Variants in LYPLA1 observed in about 807,000 individuals in gnomAD.
LYPLA1 encodes acyl-protein thioesterase 1.
LYPLA1 carries 17 observed loss-of-function variants against 34.0 expected under a neutral mutation model. That is an observed-to-expected ratio of 0.50 (90% CI 0.34 to 0.75). The LOEUF (loss-of-function observed/expected upper bound fraction) is 0.75. Among genes scored for constraint, LYPLA1 ranks in the 30% least tolerant of loss-of-function variants. LYPLA1 has a pLI of 0.01. For synonymous variants in LYPLA1, 98 were observed against 100.8 expected, an observed-to-expected ratio of 0.97 and a Z score of 0.17; for missense variants, 203 against 288.8, an observed-to-expected ratio of 0.70 and a Z score of 2.15.
intron 2 of LYPLA1, among the ~76,000 whole-genome samples, chr8:54,068,328 C>T (rs1388263842): frequency 6.6e-6 from 1 of 152,118 alleles, no homozygotes; most frequent in Non-Finnish European, 1.5e-5. Flanking sequence ...CAATCTTTAA[C>T]AGAATACCAC....
intron 2 of LYPLA1, among the ~76,000 whole-genome samples, chr8:54,068,639 C>T (rs568260157): frequency 6.6e-6 from 1 of 152,150 alleles, no homozygotes; most frequent in African/African-American, 2.4e-5. Flanking sequence ...TGGATATCCA[C>T]ATGTAATACA....
chr8:54,097,483 G>A (rs531145499), intron 2 of LYPLA1, among the ~76,000 whole-genome samples: 5 of 152,300 alleles, frequency 3.3e-5, no homozygotes, highest in Admixed American at 2.0e-4. Flanking sequence ...GACTAGGGAG[G>A]AGATAGCTAT....
At chr8:54,063,456 T>C in intron 3 of LYPLA1, 81 bp from the exon 4 acceptor site, 4 of 837,178 alleles carry the variant, frequency 4.8e-6, no homozygotes, top group South Asian at 3.4e-5. Context: ...AAACAGATAA[T>C]TGCTTGAGAC....
At chr8:54,100,816 T>C in intron 2 of LYPLA1, 92 bp downstream of exon 2, 1 of 1,000,290 alleles carries the variant, frequency 1.0e-6, no homozygotes, top group East Asian at 2.4e-5. Context: ...AATACCATTT[T>C]AGCGCCCTTA....
intron 8 of LYPLA1, among the ~76,000 whole-genome samples, chr8:54,050,787 T>A (rs1805788992): frequency 6.6e-6 from 1 of 152,256 alleles, no homozygotes; most frequent in Non-Finnish European, 1.5e-5. Flanking sequence ...TGAAAGGGAA[T>A]GTTTATTATT....
intron 8 of LYPLA1, among the ~76,000 whole-genome samples, chr8:54,049,455 A>C (rs936822151): frequency 1.3e-5 from 2 of 152,028 alleles, no homozygotes; most frequent in African/African-American, 4.8e-5. Flanking sequence ...GCTGGAGTGC[A>C]GGGTGCCAAC....
At chr8:54,101,643 G>C in intron 1 of LYPLA1, 112 bp downstream of exon 1, 3 of 1,153,662 alleles carry the variant, frequency 2.6e-6, no homozygotes, top group East Asian at 3.8e-5. Flanking sequence ...GGGCCGGGAG[G>C]AGCGTCCTCG....
intron 2 of LYPLA1, among the ~76,000 whole-genome samples, chr8:54,071,258 C>T (rs1009781900): frequency 5.9e-5 from 9 of 152,310 alleles, no homozygotes; most frequent in Admixed American, 5.2e-4. Context: ...AGAAAGGAAA[C>T]GGACACAGCT....
chr8:54,085,450 G>A lies in LYPLA1; in HGVS notation c.101+15458C>T, dbSNP rs140342298. ...AAGTGTCTCTGCCCCGCCGCCCATC[G>A]TCTGGGATGTGAGGAGCCCCTCTGC... On this transcript the variant is annotated intron_variant, in intron 2 of 8. Coordinates refer to ENST00000316963, the MANE Select transcript of LYPLA1 (RefSeq NM_006330.4). Among the ~76,000 whole-genome samples, 617 of 151,480 alleles carry A rather than the reference G, an allele frequency of 4.1e-3. 4 individuals carry two copies. Among genetic ancestry groups the A allele is most frequent in the African/African-American group, 0.014 (592 of 41,180 alleles).
intron 2 of LYPLA1, among the ~76,000 whole-genome samples, chr8:54,081,825 G>A (rs1271384161): frequency 2.0e-5 from 3 of 151,866 alleles, no homozygotes; most frequent in Non-Finnish European, 4.4e-5. Flanking sequence ...CGCCTCCCAG[G>A]TTCAAGTGAT....
At chr8:54,085,422 G>C (rs1195927142) in intron 2 of LYPLA1, among the ~76,000 whole-genome samples, 2 of 152,234 alleles carry the variant, frequency 1.3e-5, no homozygotes, top group Non-Finnish European at 2.9e-5. Context: ...TCTAGGAAGT[G>C]AGAAGTGTCT....
At chr8:54,053,554 G>A in intron 6 of LYPLA1, 2 of 455,568 alleles carry the variant, frequency 4.4e-6, no homozygotes, top group East Asian at 7.0e-5. Context: ...ATGCCCATGG[G>A]TTACTGCAAC....
intron 1 of LYPLA1, chr8:54,101,342 C>T (rs540184623): frequency 9.0e-5 from 96 of 1,071,574 alleles, no homozygotes; most frequent in Non-Finnish European, 1.1e-4. Flanking sequence ...AAAAACAGTA[C>T]GTCTGACCTT....
At chr8:54,074,635 C>G (rs1012854114) in intron 2 of LYPLA1, among the ~76,000 whole-genome samples, 1 of 152,224 alleles carries the variant, frequency 6.6e-6, no homozygotes, top group Non-Finnish European at 1.5e-5. Context: ...TGCCTCTGGT[C>G]TCAAACGCAG....
At chr8:54,046,023 T>C (rs1190835895), downstream of LYPLA1, among the ~76,000 whole-genome samples, 1 of 151,992 alleles carries the variant, frequency 6.6e-6, no homozygotes, top group African/African-American at 2.4e-5. Context: ...ATCGCACCAC[T>C]GCACCCCAGC....
At chr8:54,081,104 T>C (rs980204388) in intron 2 of LYPLA1, among the ~76,000 whole-genome samples, 16 of 152,318 alleles carry the variant, frequency 1.1e-4, no homozygotes, top group Admixed American at 9.1e-4. Flanking sequence ...GGCCTTTTGC[T>C]GTACTCACTA....
downstream of LYPLA1, chr8:54,043,030 C>G (rs1395245789): frequency 6.6e-6 from 1 of 152,160 alleles, no homozygotes; most frequent in Admixed American, 6.5e-5. Context: ...CACTTTCATT[C>G]AACATTTGGG....
intron 5 of LYPLA1, among the ~76,000 whole-genome samples, chr8:54,058,182 T>C (rs1806345282): frequency 6.6e-6 from 1 of 152,178 alleles, no homozygotes; most frequent in Admixed American, 6.5e-5. Flanking sequence ...TAGTTAAGTG[T>C]TGTACGTAGT....
intron 1 of LYPLA1, 91 bp downstream of exon 1, chr8:54,101,664 G>T (rs1374658902): frequency 8.5e-7 from 1 of 1,171,150 alleles, no homozygotes; most frequent in Non-Finnish European, 1.1e-6. Context: ...TCCGCAGGCC[G>T]CCACGCGCCC....
Sources: allele counts gnomAD v4.1 joint callset (sites outside exome capture counted in the v4.1 genomes callset), GRCh38; gene constraint gnomAD v4.1.1; transcripts MANE v1.5; gene names NCBI Gene and HGNC (gene_info 2026-07-23, HGNC 2026-07-21).